The following BIRC6 variants were observed in gnomAD, a reference collection of about 807,000 sequenced individuals.
BIRC6 encodes the protein baculoviral IAP repeat containing 6, also known as dual E2 ubiquitin-conjugating enzyme/E3 ubiquitin-protein ligase BIRC6.
A neutral mutation model predicts 503.3 loss-of-function variants in BIRC6; 98 were observed. The observed-to-expected ratio is 0.19, with a 90% confidence interval of 0.17 to 0.23. The LOEUF (loss-of-function observed/expected upper bound fraction) is 0.23. Among genes scored for constraint, BIRC6 ranks in the 10% least tolerant of loss-of-function variants. BIRC6 has a pLI of 1.00. For synonymous variants in BIRC6, 2,240 were observed against 2,078.7 expected, an observed-to-expected ratio of 1.08 and a Z score of -2.11; for missense variants, 5,360 against 5,806.0, an observed-to-expected ratio of 0.92 and a Z score of 2.50.
intron 53 of BIRC6, among the ~76,000 whole-genome samples, chr2:32,512,302 A>G (rs2054530714): frequency 6.6e-6 from 1 of 152,224 alleles, no homozygotes; most frequent in African/African-American, 2.4e-5. Context: ...ATGTAAACAC[A>G]GTGTTTTAAG....
At chr2:32,493,406 G>A (rs112613230) in intron 44 of BIRC6, 134 bp from the exon 45 acceptor site, 1 of 722,604 alleles carries the variant, frequency 1.4e-6, no homozygotes, top group Non-Finnish European at 2.1e-6. Flanking sequence ...TGCTATCATT[G>A]TTAATACTTT....
intron 65 of BIRC6, among the ~76,000 whole-genome samples, chr2:32,569,665 C>A (rs902615954): frequency 7.3e-5 from 11 of 150,066 alleles, no homozygotes; most frequent in South Asian, 2.1e-4. Context: ...AGCCACCACA[C>A]TTGTTCATTT....
At position 32,518,388 on chromosome 2, in the gene BIRC6, T is replaced by C. The variant is rs774238047; in HGVS notation, c.11484T>C (p.Ser3828=). 3 of 1,607,478 alleles carry C rather than the reference T, an allele frequency of 1.9e-6. No individual in the cohort carries two copies. In the South Asian group the frequency reaches 3.4e-5, roughly 18 times the overall value. Residue 3828 remains serine (S), a synonymous_variant, in exon 56 of 74, where the codon TCT becomes TCC. Coordinates refer to ENST00000421745, the MANE Select transcript of BIRC6 (RefSeq NM_016252.4). Reference sequence around the variant, plus strand: ...AGAAAGTGACAATGTTTCTTCAGTCTCCATGTCCAGTGAGTATTTAACACT... The same window carrying C: ...AGAAAGTGACAATGTTTCTTCAGTCCCCATGTCCAGTGAGTATTTAACACT... The part of the protein sequence containing the change: ...EDEKVTMFLQ[S]PCPLYKGRIN...
At chr2:32,596,637 G>A (rs565548173) in intron 68 of BIRC6, among the ~76,000 whole-genome samples, 1 of 152,180 alleles carries the variant, frequency 6.6e-6, no homozygotes, top group East Asian at 1.9e-4. Flanking sequence ...TCAGAAAAGA[G>A]TTTCCAGACA....
At chr2:32,435,448 C>T in intron 13 of BIRC6, 48 bp from the exon 14 acceptor site, 1 of 1,484,150 alleles carries the variant, frequency 6.7e-7, no homozygotes, top group Non-Finnish European at 8.9e-7. Flanking sequence ...TATTTTTATC[C>T]TCTAGAAACA....
chr2:32,429,208 C>T lies in BIRC6; in HGVS notation c.2935C>T (p.Leu979=). 6.3e-7 allele frequency: 1 copy of T among 1,579,098 alleles called. No individual in the cohort carries two copies. Among genetic ancestry groups the T allele is most frequent in the Non-Finnish European group, 8.6e-7 (1 of 1,160,384 alleles). The part of the protein sequence containing the change: ...TCDDIDEADI[L]VDGSLSKGIE... ...TGATGATATTGATGAAGCTGATATA[C>T]TAGTGGATGGATCTCTTTCTAAAGG... is the stretch of plus-strand genomic sequence containing the variant. The change falls in exon 11 of 74, where the codon CTA becomes TTA. Residue 979 remains leucine, a synonymous_variant. Transcript: ENST00000421745.
chr2:32,554,509 T>TA (rs2058648911), intron 65 of BIRC6, among the ~76,000 whole-genome samples: 1 of 152,160 alleles, frequency 6.6e-6, no homozygotes, highest in Non-Finnish European at 1.5e-5. Flanking sequence ...AGTGATGTGT[T>TA]AGAGTAAGGT....
At chr2:32,406,361 T>G (rs1239736307) in intron 8 of BIRC6, 138 bp from the exon 9 acceptor site, 2 of 618,326 alleles carry the variant, frequency 3.2e-6, no homozygotes, top group Non-Finnish European at 5.7e-6. Flanking sequence ...TTCCTGCCAC[T>G]GTACTCCAGC....
intron 1 of BIRC6, among the ~76,000 whole-genome samples, chr2:32,360,992 C>T (rs1170592883): frequency 1.3e-5 from 2 of 152,176 alleles, no homozygotes; most frequent in Admixed American, 1.3e-4. Context: ...GCGATCTCGG[C>T]TCACTGTAGC....
intron 50 of BIRC6, 116 bp downstream of exon 50, chr2:32,505,321 A>C: frequency 1.2e-6 from 1 of 807,350 alleles, no homozygotes; most frequent in Admixed American, 2.6e-5. Flanking sequence ...AGAGAGTGTA[A>C]CTTCTGAACA....
At chr2:32,555,691 C>T (rs1375889410) in intron 65 of BIRC6, among the ~76,000 whole-genome samples, 2 of 151,356 alleles carry the variant, frequency 1.3e-5, no homozygotes, top group Non-Finnish European at 2.9e-5. Flanking sequence ...GAGTAGCAGG[C>T]CAGGTGTGGT....
chr2:32,367,803 T>A (rs1199493055), intron 1 of BIRC6, among the ~76,000 whole-genome samples: 1 of 151,820 alleles, frequency 6.6e-6, no homozygotes, highest in Non-Finnish European at 1.5e-5. Context: ...GCGAGAAGAG[T>A]GAGACTGTCT....
chr2:32,525,114 A>T (rs910870019), intron 58 of BIRC6, 95 bp downstream of exon 58: 1 of 1,108,548 alleles, frequency 9.0e-7, no homozygotes, highest in Non-Finnish European at 1.2e-6. Context: ...ACATTGTACT[A>T]ATATAAAAAG....
At chr2:32,523,583 A>G (rs1163250495) in intron 57 of BIRC6, 1 of 152,244 alleles carries the variant, frequency 6.6e-6, no homozygotes, top group Non-Finnish European at 1.5e-5. Flanking sequence ...TTTACTTCAC[A>G]AAACTGTCTA....
At chr2:32,384,653 T>C (rs934246925) in intron 3 of BIRC6, among the ~76,000 whole-genome samples, 1 of 152,180 alleles carries the variant, frequency 6.6e-6, no homozygotes, top group Admixed American at 6.5e-5. Flanking sequence ...CACCCAACTT[T>C]GGTAACTGTT....
At chr2:32,441,854 A>G (rs896800071) in intron 17 of BIRC6, among the ~76,000 whole-genome samples, 1 of 152,230 alleles carries the variant, frequency 6.6e-6, no homozygotes, top group African/African-American at 2.4e-5. Flanking sequence ...AAGAAATTAT[A>G]CACATTCCAT....
chr2:32,477,031 C>T (rs78209935), intron 34 of BIRC6, among the ~76,000 whole-genome samples: 4,724 of 152,170 alleles, frequency 0.031, 180 homozygotes, highest in African/African-American at 0.093. Flanking sequence ...GTTTTCTTTA[C>T]CTTCAAGCTT....
At chr2:32,586,309 G>A (rs2061019558) in intron 66 of BIRC6, among the ~76,000 whole-genome samples, 1 of 150,342 alleles carries the variant, frequency 6.7e-6, no homozygotes, top group Non-Finnish European at 1.5e-5. Context: ...TGCCTCAGAA[G>A]CATAACATAT....
chr2:32,499,968 A>C lies in BIRC6; in HGVS notation c.8890A>C (p.Lys2964Gln). The change falls in exon 46 of 74, where the codon AAA becomes CAA. Residue 2964 changes from lysine (K) to glutamine (Q), a missense_variant. Lys to Gln is a moderately conservative substitution (Grantham distance 53). Transcript: ENST00000421745. ...VSDEEKVSGG[K>Q]DGNGSSTSVQ... ...AGATGAAGAAAAAGTCTCAGGAGGC[A>C]AAGATGGCAATGGAAGCAGTACCAG... is the stretch of plus-strand genomic sequence containing the variant. 6.2e-7 allele frequency: 1 copy of C among 1,614,036 alleles called. No homozygotes were observed. Among genetic ancestry groups the C allele is most frequent in the Non-Finnish European group, 8.5e-7 (1 of 1,179,894 alleles).
Sources: allele counts gnomAD v4.1 joint callset (sites outside exome capture counted in the v4.1 genomes callset), GRCh38; gene constraint gnomAD v4.1.1; transcripts MANE v1.5; gene names NCBI Gene and HGNC (gene_info 2026-07-23, HGNC 2026-07-21).